Variants in KLF8 observed in about 807,000 individuals in gnomAD.
KLF8 encodes the protein KLF transcription factor 8, also known as Krueppel-like factor 8.
Under a neutral mutation model 18.2 loss-of-function variants are expected in KLF8, and 10 were observed. The ratio of observed to expected loss-of-function variants is 0.55; its 90% CI spans 0.34 to 0.93. The LOEUF (loss-of-function observed/expected upper bound fraction) is 0.93. KLF8 is among the 40% of genes least tolerant of loss of function. The pLI, the probability that KLF8 is intolerant of heterozygous loss-of-function variation, is 0.02. For synonymous variants in KLF8, 109 were observed against 97.3 expected (o/e 1.12, Z -0.71); for missense variants, 264 against 277.9 (o/e 0.95, Z 0.36).
the KLF8 span, among the ~76,000 whole-genome samples, chrX:55,973,668 G>A: frequency 6.4e-5 from 7 of 110,232 alleles, no homozygotes; most frequent in Admixed American, 6.6e-4. Context: ...CAGTCAGAAT[G>A]GCTATTTAAA....
intron 1 of KLF8, among the ~76,000 whole-genome samples, chrX:56,249,604 C>T (rs990056162): frequency 1.8e-5 from 2 of 111,465 alleles, no homozygotes; most frequent in Non-Finnish European, 3.8e-5. Context: ...AAAAAAAAGG[C>T]CTTGCCAAAG....
At chrX:56,188,370 A>G in the KLF8 span, among the ~76,000 whole-genome samples, 1 of 111,847 alleles carries the variant, frequency 8.9e-6, no homozygotes, top group Non-Finnish European at 1.9e-5. Context: ...GAAATAAAAG[A>G]GGATACAAAA....
the KLF8 span, among the ~76,000 whole-genome samples, chrX:56,109,033 A>C: frequency 9.0e-6 from 1 of 111,307 alleles, no homozygotes; most frequent in East Asian, 2.8e-4. Context: ...AGTTCATTTC[A>C]TTGTCGCCAG....
intron 1 of KLF8, among the ~76,000 whole-genome samples, chrX:56,236,796 T>C (rs2066480140): frequency 9.2e-6 from 1 of 109,193 alleles, no homozygotes; most frequent in South Asian, 4.0e-4. Context: ...TGTTATCTAT[T>C]TATTAGGAAT....
At chrX:56,048,378 T>A in the KLF8 span, among the ~76,000 whole-genome samples, 1 of 112,122 alleles carries the variant, frequency 8.9e-6, no homozygotes, top group Non-Finnish European at 1.9e-5. Context: ...CTCAGTTTTC[T>A]TCTAGGGTTT....
chrX:56,107,930 G>T, the KLF8 span, among the ~76,000 whole-genome samples: 5 of 111,005 alleles, frequency 4.5e-5, no homozygotes, highest in Non-Finnish European at 9.4e-5. Context: ...TCACCTCCTT[G>T]GTAAAATATA....
chrX:56,194,409 C>A, the KLF8 span, among the ~76,000 whole-genome samples: 1 of 112,217 alleles, frequency 8.9e-6, no homozygotes, highest in Admixed American at 9.4e-5. Context: ...CAAGGAGATT[C>A]CTGTGCCTGG....
At chrX:56,182,178 C>G in the KLF8 span, among the ~76,000 whole-genome samples, 11 of 111,653 alleles carry the variant, frequency 9.9e-5, no homozygotes, top group African/African-American at 3.6e-4. Context: ...TCTTGTTTCT[C>G]TAAACTTCTC....
the KLF8 span, among the ~76,000 whole-genome samples, chrX:55,966,729 C>T: frequency 9.0e-5 from 10 of 111,460 alleles, no homozygotes; most frequent in Non-Finnish European, 1.9e-4. Flanking sequence ...TGATGAACAT[C>T]CACATGCAAA....
At chrX:55,915,472 A>G in the KLF8 span, among the ~76,000 whole-genome samples, 1 of 111,910 alleles carries the variant, frequency 8.9e-6, no homozygotes, top group Non-Finnish European at 1.9e-5. Context: ...CATATGAAAA[A>G]GATAAAAATA....
the KLF8 span, among the ~76,000 whole-genome samples, chrX:56,049,441 A>T: frequency 6.3e-5 from 7 of 110,479 alleles, no homozygotes. Flanking sequence ...AATACGTCCC[A>T]TCAATACCTA....
the KLF8 span, among the ~76,000 whole-genome samples, chrX:56,157,684 T>C: frequency 8.9e-4 from 100 of 112,103 alleles, no homozygotes; most frequent in Non-Finnish European, 1.4e-3. Context: ...TGCATAAATG[T>C]CTTCTTTTGA....
chrX:56,059,913 G>GGA, the KLF8 span, among the ~76,000 whole-genome samples: 1 of 111,886 alleles, frequency 8.9e-6, no homozygotes, highest in African/African-American at 3.2e-5. Context: ...GCTTGATGAA[G>GGA]ATAGCATTGA....
chrX:56,040,425 T>A, the KLF8 span, among the ~76,000 whole-genome samples: 8 of 112,225 alleles, frequency 7.1e-5, no homozygotes, highest in Non-Finnish European at 1.5e-4. Context: ...TTTAGAGTTT[T>A]TAACAAGAAG....
the KLF8 span, among the ~76,000 whole-genome samples, chrX:56,126,213 A>T: frequency 9.0e-6 from 1 of 111,690 alleles, no homozygotes; most frequent in African/African-American, 3.3e-5. Context: ...TTTTCCTTTC[A>T]GTTGATAAGA....
the KLF8 span, among the ~76,000 whole-genome samples, chrX:55,933,885 C>T: frequency 4.5e-5 from 5 of 111,771 alleles, no homozygotes; most frequent in Admixed American, 2.9e-4. Context: ...ATGGAGAACT[C>T]GAGTGACATT....
the KLF8 span, among the ~76,000 whole-genome samples, chrX:56,194,567 T>C: frequency 1.2e-4 from 14 of 112,551 alleles, no homozygotes; most frequent in African/African-American, 4.2e-4. Flanking sequence ...ATGCTCGAAC[T>C]GGGCAGAGCC....
the KLF8 span, among the ~76,000 whole-genome samples, chrX:56,160,617 T>G: frequency 8.9e-6 from 1 of 111,781 alleles, no homozygotes; most frequent in Non-Finnish European, 1.9e-5. Context: ...CTGTTGTTGT[T>G]GAGTTGATCC....
the KLF8 span, among the ~76,000 whole-genome samples, chrX:56,069,431 G>T: frequency 2.1e-3 from 236 of 111,386 alleles, 2 homozygotes; most frequent in Non-Finnish European, 3.7e-3. Context: ...GGTGGGATAT[G>T]TGTATTAGAG....
Sources: gnomAD v4.1 joint callset for allele counts (sites outside exome capture counted in the v4.1 genomes callset) on GRCh38, gnomAD v4.1.1 for gene constraint, MANE v1.5 for transcripts, NCBI Gene and HGNC (gene_info 2026-07-23, HGNC 2026-07-21) for gene names.